The following GPR174 variants were observed in gnomAD, a reference collection of about 807,000 sequenced individuals.
The protein encoded by GPR174 is probable G protein-coupled receptor 174.
In GPR174, 8 loss-of-function variants were observed where a neutral mutation model predicts 16.5. That is an observed-to-expected ratio of 0.48 (90% CI 0.28 to 0.87). The LOEUF (loss-of-function observed/expected upper bound fraction) is 0.87, where lower values mean the gene tolerates loss of function less well. Among genes scored for constraint, GPR174 ranks in the 40% least tolerant of loss-of-function variants. The pLI is 0.09. For synonymous variants in GPR174, 111 were observed against 94.8 expected (o/e 1.17, Z -0.99); for missense variants, 214 against 247.5 (o/e 0.86, Z 0.91).
intron 2 of GPR174, among the ~76,000 whole-genome samples, chrX:79,162,422 TA>T (rs968915494): frequency 8.9e-6 from 1 of 112,031 alleles, no homozygotes; most frequent in African/African-American, 3.2e-5. Context: ...AAAAAGGTTT[TA>T]AAAAAAGTGT....
At chrX:79,156,434 A>G (rs1257089790) in intron 1 of GPR174, among the ~76,000 whole-genome samples, 1 of 112,251 alleles carries the variant, frequency 8.9e-6, no homozygotes, top group East Asian at 2.8e-4. Flanking sequence ...AACTATTTAG[A>G]AAAGATCACT....
chrX:79,155,682 A>AAGAGAGAG (rs35729499), intron 1 of GPR174, among the ~76,000 whole-genome samples: 3 of 108,542 alleles, frequency 2.8e-5, no homozygotes, highest in Non-Finnish European at 5.8e-5. Flanking sequence ...AAGAAACAGA[A>AAGAGAGAG]AGAGAGAGAG....
Position 79,167,270 on chromosome X carries a change from G to C in GPR174, c.-556-3182G>C, listed in dbSNP as rs1363900994. Among the ~76,000 whole-genome samples, 4 of 111,988 alleles carry C rather than the reference G, an allele frequency of 3.6e-5. No individual in the cohort carries two copies. The East Asian group carries it at 1.1e-3, about 31-fold the overall frequency. On this transcript the variant is annotated intron_variant, in intron 2 of 2. Coordinates refer to ENST00000645147, the MANE Select transcript of GPR174 (RefSeq NM_032553.3). Reference sequence around the variant, plus strand: ...TCCAATTTGGTTATCTGTGATGCTTGTTAAAATGTAGATCCTTTGGCTCCA... The same window carrying C: ...TCCAATTTGGTTATCTGTGATGCTTCTTAAAATGTAGATCCTTTGGCTCCA...
chrX:79,153,030 A>C (rs990721603), intron 1 of GPR174, among the ~76,000 whole-genome samples: 4 of 112,188 alleles, frequency 3.6e-5, no homozygotes, highest in Admixed American at 9.5e-5. Context: ...GGAGCAAAAT[A>C]GTTCTAAGGC....
intron 1 of GPR174, among the ~76,000 whole-genome samples, chrX:79,154,495 T>A (rs1921050584): frequency 8.9e-6 from 1 of 111,763 alleles, no homozygotes; most frequent in Non-Finnish European, 1.9e-5. Flanking sequence ...TGCTTAGGAC[T>A]ATGGGTCTTG....
At chrX:79,150,825 C>T (rs1267692508) in intron 1 of GPR174, among the ~76,000 whole-genome samples, 1 of 111,419 alleles carries the variant, frequency 9.0e-6, no homozygotes. Context: ...CCCACATCTC[C>T]GGGAGTTCAG....
At position 79,171,393 on chromosome X, in the gene GPR174, G is replaced by T. The variant is rs796630705; in HGVS notation, c.386G>T (p.Cys129Phe). 8.3e-7 allele frequency: 1 copy of T among 1,209,975 alleles called. No homozygotes were observed. Among genetic ancestry groups the T allele is most frequent in the African/African-American group, 1.8e-5 (1 of 57,113 alleles). ...ATGTACCCCTTTCGCTTCCATGACT[G>T]CAAACAGAAATATGACCTGTACATC... ...FLMYPFRFHD[C>F]KQKYDLYISI... The change falls in exon 3 of 3, where the codon TGC becomes TTC. Residue 129 changes from cysteine to phenylalanine, a missense_variant. Cys to Phe is a radical substitution (Grantham distance 205). Transcript: ENST00000645147.
At chrX:79,147,125 T>C (rs1926516012) in intron 1 of GPR174, among the ~76,000 whole-genome samples, 1 of 111,522 alleles carries the variant, frequency 9.0e-6, no homozygotes, top group African/African-American at 3.3e-5. Context: ...TCTGAGACCT[T>C]TATGCTTTGG....
At position 79,173,041 on chromosome X, in the gene GPR174, T is replaced by C. The variant is rs774146059; in HGVS notation, c.*1032T>C. 1.4e-3 allele frequency: 158 copies of C among 111,875 alleles called. No individual in the cohort carries two copies. The highest frequency in any genetic ancestry group is 4.6e-3 in the African/African-American group (143 of 30,785). 9.2% of individuals were successfully genotyped at this position (111,875 alleles called of 1,213,427 possible). ...TAATCTTTTTAAAATTCTCATCACA[T>C]TGTATTTCTTACTCTAATACAAGGA... On this transcript the variant is annotated 3_prime_UTR_variant, in exon 3 of 3. Transcript: ENST00000645147.
chrX:79,156,372 G>C (rs1436500386), intron 1 of GPR174, among the ~76,000 whole-genome samples: 1 of 112,359 alleles, frequency 8.9e-6, no homozygotes, highest in Non-Finnish European at 1.9e-5. Context: ...CTGGCCAGCT[G>C]GATCTCCCTC....
chrX:79,155,608 C>T (rs142896067), intron 1 of GPR174, among the ~76,000 whole-genome samples: 63 of 110,863 alleles, frequency 5.7e-4, no homozygotes, highest in African/African-American at 2.0e-3. Flanking sequence ...CTTATGATAT[C>T]TCATGTAATC....
chrX:79,167,168 G>A (rs977729040), intron 2 of GPR174, among the ~76,000 whole-genome samples: 1 of 112,242 alleles, frequency 8.9e-6, no homozygotes, highest in Admixed American at 9.4e-5. Context: ...GTTTGGTTAT[G>A]TAGCTTAACA....
At chrX:79,145,529 A>G in intron 1 of GPR174, among the ~76,000 whole-genome samples, 1 of 111,938 alleles carries the variant, frequency 8.9e-6, no homozygotes, top group East Asian at 2.8e-4. Flanking sequence ...AACATTTGCA[A>G]TTTAACCTGT....
intron 2 of GPR174, among the ~76,000 whole-genome samples, chrX:79,169,733 G>T (rs1921462641): frequency 9.0e-6 from 1 of 111,612 alleles, no homozygotes; most frequent in South Asian, 3.7e-4. Flanking sequence ...CAGAATAAAG[G>T]TCATAGACCC....
In GPR174 at chrX:79,172,156, G is replaced by A; in HGVS notation, c.*147G>A. On this transcript the variant is annotated 3_prime_UTR_variant, in exon 3 of 3. Coordinates refer to ENST00000645147, the MANE Select transcript of GPR174 (RefSeq NM_032553.3). ...GCTATGGGGAATTCACTTCTTCAAA[G>A]CAGGACCTATTTGGAGCATTACGAT... The A allele has an allele frequency of 1.8e-6, 1 of 545,295 alleles. No homozygotes were observed. Among genetic ancestry groups the A allele is most frequent in the Non-Finnish European group, 2.9e-6 (1 of 347,136 alleles). 44.9% of individuals were successfully genotyped at this position (545,295 alleles called of 1,213,427 possible). A position where few individuals can be genotyped will look rare whatever the true frequency, so the allele number is the denominator to read the frequency against.
rs995405394 is a variant in GPR174 at position 79,170,820 on chromosome X, C to G, written c.-188C>G. 2 of 426,239 alleles carry G rather than the reference C, an allele frequency of 4.7e-6. No individual in the cohort carries two copies. The highest frequency in any genetic ancestry group is 7.7e-5 in the East Asian group (2 of 25,889). The allele number at this position is 426,239 out of a possible 1,213,427, so 35.1% of individuals were successfully genotyped here. On this transcript the variant is annotated 5_prime_UTR_variant, in exon 3 of 3. Transcript: ENST00000645147. ...TCTAGAGAAATCTAAATCAAAAATG[C>G]AGATCATTCTTTGAAAAATCCCCAA...
At chrX:79,148,160 G>A (rs1398846995) in intron 1 of GPR174, among the ~76,000 whole-genome samples, 1 of 111,594 alleles carries the variant, frequency 9.0e-6, no homozygotes, top group African/African-American at 3.3e-5. Flanking sequence ...GGGTCATGCG[G>A]AAGCATGACT....
At chrX:79,153,276 G>A (rs780906637) in intron 1 of GPR174, among the ~76,000 whole-genome samples, 30 of 111,364 alleles carry the variant, frequency 2.7e-4, no homozygotes, top group Non-Finnish European at 4.7e-4. Flanking sequence ...CCAGGGCAGG[G>A]GCTATGTCTC....
Sources: gnomAD v4.1 joint callset for allele counts (sites outside exome capture counted in the v4.1 genomes callset) on GRCh38, gnomAD v4.1.1 for gene constraint, MANE v1.5 for transcripts, NCBI Gene and HGNC (gene_info 2026-07-23, HGNC 2026-07-21) for gene names.